Variants in PTPRA observed in about 807,000 individuals in gnomAD.
The protein encoded by PTPRA is protein tyrosine phosphatase receptor type A, also known as receptor-type tyrosine-protein phosphatase alpha.
PTPRA carries 25 observed loss-of-function variants against 104.8 expected under a neutral mutation model. The ratio of observed to expected loss-of-function variants is 0.24; its 90% CI spans 0.17 to 0.33. PTPRA has a LOEUF of 0.33. Among genes scored for constraint, PTPRA ranks in the 10% least tolerant of loss-of-function variants. The probability of loss-of-function intolerance (pLI) is 1.00; values close to 1 mark genes in which losing one functional copy is unlikely to be tolerated. For synonymous variants in PTPRA, 323 were observed against 368.9 expected (o/e 0.88, Z 1.43); for missense variants, 765 against 1,015.3 (o/e 0.75, Z 3.35).
chr20:3,013,392 A>G (rs902467622), intron 11 of PTPRA, among the ~76,000 whole-genome samples: 1 of 149,442 alleles, frequency 6.7e-6, no homozygotes, highest in African/African-American at 2.6e-5. Context: ...TTCCTTACTC[A>G]TTTTTAGATG....
At chr20:3,026,136 C>T (rs1337583967) in intron 17 of PTPRA, among the ~76,000 whole-genome samples, 1 of 151,782 alleles carries the variant, frequency 6.6e-6, no homozygotes, top group East Asian at 2.0e-4. Flanking sequence ...CAGGGTTTCA[C>T]CATGTTGGCC....
At chr20:3,019,179 C>T (rs1290151671) in intron 13 of PTPRA, among the ~76,000 whole-genome samples, 29 of 145,770 alleles carry the variant, frequency 2.0e-4, no homozygotes, top group African/African-American at 4.9e-4. Flanking sequence ...CCCTCCCGGA[C>T]GGGGCGGCCG....
chr20:3,010,541 C>T (rs933205145), intron 11 of PTPRA, among the ~76,000 whole-genome samples: 3 of 151,962 alleles, frequency 2.0e-5, no homozygotes, highest in Admixed American at 6.6e-5. Context: ...GGCAGGAGAA[C>T]GGCGTGAACC....
intron 4 of PTPRA, 139 bp from the exon 5 acceptor site, chr20:2,964,722 G>C: frequency 1.4e-6 from 1 of 716,434 alleles, no homozygotes; most frequent in Non-Finnish European, 2.3e-6. Flanking sequence ...AACGTAGGGG[G>C]TGGGTGGTGT....
intron 3 of PTPRA, among the ~76,000 whole-genome samples, chr20:2,949,109 T>C (rs1040038390): frequency 3.3e-5 from 5 of 152,186 alleles, no homozygotes; most frequent in Admixed American, 2.6e-4. Flanking sequence ...GCCTTTCTTA[T>C]GTACCTTCCC....
intron 2 of PTPRA, among the ~76,000 whole-genome samples, chr20:2,937,314 G>A (rs2060742963): frequency 6.6e-6 from 1 of 151,896 alleles, no homozygotes; most frequent in Non-Finnish European, 1.5e-5. Flanking sequence ...TAGTAGAGAT[G>A]AGGTTTCACC....
intron 5 of PTPRA, among the ~76,000 whole-genome samples, chr20:2,969,447 AT>A (rs1410104832): frequency 2.0e-5 from 3 of 151,524 alleles, no homozygotes; most frequent in Non-Finnish European, 4.4e-5. Context: ...AGGTTTCACC[AT>A]GTTGGCCATG....
At chr20:2,896,054 T>G (rs2058986185) in intron 1 of PTPRA, among the ~76,000 whole-genome samples, 1 of 152,090 alleles carries the variant, frequency 6.6e-6, no homozygotes, top group South Asian at 2.1e-4. Flanking sequence ...TGTAACGGAT[T>G]TATAGATTAT....
At chr20:2,994,316 C>G (rs2063313298) in intron 9 of PTPRA, among the ~76,000 whole-genome samples, 2 of 152,096 alleles carry the variant, frequency 1.3e-5, no homozygotes, top group African/African-American at 2.4e-5. Context: ...GATGAGGGGG[C>G]CCCCTCTCTA....
chr20:3,011,784 A>G (rs1422346767), intron 11 of PTPRA, among the ~76,000 whole-genome samples: 2 of 152,154 alleles, frequency 1.3e-5, no homozygotes, highest in Admixed American at 6.5e-5. Flanking sequence ...GATACTGGGT[A>G]CCTTAACAAA....
chr20:2,864,944 C>G, the PTPRA span: 1 of 1,613,600 alleles, frequency 6.2e-7, no homozygotes, highest in Non-Finnish European at 8.5e-7. The surrounding 1 kb of genome is among the most constrained non-coding windows in gnomAD (Gnocchi z 5.2). Flanking sequence ...GTCCTGCATG[C>G]TGTGAGTTCA....
At position 2,910,578 on chromosome 20, in the gene PTPRA, G is replaced by GTTTT. The variant is rs1245304127; in HGVS notation, c.-128-12622_-128-12619dup. The stretch of plus-strand genomic sequence containing the variant: ...AGGTGTGTGCTATCATGCCCAGCTA[G>GTTTT]TTTTTTTTTTGTTTTTTTTTTGTTT... On this transcript the variant is annotated intron_variant, in intron 1 of 23. Transcript: ENST00000399903. Among the ~76,000 whole-genome samples, 11 of 32,418 alleles carry GTTTT rather than the reference G, an allele frequency of 3.4e-4. 1 individual carries two copies. The highest frequency in any genetic ancestry group is 5.1e-4 in the African/African-American group (3 of 5,880). The allele number at this position is 32,418 out of a possible 152,430, so 21.3% of individuals were successfully genotyped here.
chr20:3,010,583 A>C lies in PTPRA; in HGVS notation c.906+3163A>C, dbSNP rs148189996. Reference sequence around the variant, plus strand: ...GCGGAGCTTGCAGTGAGCCGAGATCACGCCACCGCACTCCAGCCTGGGCGA... The same window carrying C: ...GCGGAGCTTGCAGTGAGCCGAGATCCCGCCACCGCACTCCAGCCTGGGCGA... On this transcript the variant is annotated intron_variant, in intron 11 of 23. Transcript: ENST00000399903. Among the ~76,000 whole-genome samples, 714 of 152,164 alleles carry C rather than the reference A, an allele frequency of 4.7e-3. 7 individuals are homozygous for C. Among genetic ancestry groups the C allele is most frequent in the African/African-American group, 0.015 (625 of 41,536 alleles).
At chr20:2,930,489 G>A (rs575591307) in intron 2 of PTPRA, among the ~76,000 whole-genome samples, 2 of 152,218 alleles carry the variant, frequency 1.3e-5, no homozygotes, top group South Asian at 2.1e-4. Context: ...CCATAAACTC[G>A]GTGGCTAAAG....
chr20:2,960,707 T>C (rs1230761807), intron 3 of PTPRA, among the ~76,000 whole-genome samples: 1 of 152,044 alleles, frequency 6.6e-6, no homozygotes, highest in African/African-American at 2.4e-5. Flanking sequence ...CAGCTAAGTT[T>C]TGTATTTTTT....
At chr20:2,892,037 C>A (rs1440978629) in intron 1 of PTPRA, among the ~76,000 whole-genome samples, 1 of 151,942 alleles carries the variant, frequency 6.6e-6, no homozygotes, top group Non-Finnish European at 1.5e-5. Context: ...CACCCGTAAT[C>A]CCAGCACTTT....
intron 1 of PTPRA, among the ~76,000 whole-genome samples, chr20:2,892,834 T>A (rs999375583): frequency 1.3e-5 from 2 of 152,230 alleles, no homozygotes; most frequent in Non-Finnish European, 2.9e-5. Context: ...GGTTTAGCTG[T>A]TCAGTGAGCC....
At chr20:2,924,265 G>T (rs906017996) in intron 2 of PTPRA, among the ~76,000 whole-genome samples, 1 of 152,130 alleles carries the variant, frequency 6.6e-6, no homozygotes, top group Non-Finnish European at 1.5e-5. Context: ...AGCTGAGTGT[G>T]GTGGCTCACG....
chr20:2,927,405 G>A (rs919548683), intron 2 of PTPRA, among the ~76,000 whole-genome samples: 1 of 152,048 alleles, frequency 6.6e-6, no homozygotes, highest in Non-Finnish European at 1.5e-5. Flanking sequence ...TATTTGAACC[G>A]TAACTTTCTC....
Sources: gnomAD v4.1 joint callset for allele counts (sites outside exome capture counted in the v4.1 genomes callset) on GRCh38, gnomAD v4.1.1 for gene constraint, Gnocchi (gnomAD v3.1) non-coding constraint, MANE v1.5 for transcripts, NCBI Gene and HGNC (gene_info 2026-07-23, HGNC 2026-07-21) for gene names.